BBX: variants seen among roughly 807,000 people sequenced by gnomAD.
BBX encodes the protein BBX high mobility group box domain containing.
A neutral mutation model predicts 100.2 loss-of-function variants in BBX; 30 were observed. The observed-to-expected ratio is 0.30, with a 90% CI of 0.22 to 0.41. The LOEUF (loss-of-function observed/expected upper bound fraction) is 0.41, where lower values mean the gene tolerates loss of function less well. BBX is among the 10% of genes least tolerant of loss of function. The pLI is 1.00. For missense variants in BBX, 1,023 were observed against 1,129.8 expected, an observed-to-expected ratio of 0.91 and a Z score of 1.35; for synonymous variants, 376 against 388.1, an observed-to-expected ratio of 0.97 and a Z score of 0.37.
chr3:107,586,220 A>G (rs1331931223), intron 2 of BBX, among the ~76,000 whole-genome samples: 2 of 152,200 alleles, frequency 1.3e-5, no homozygotes, highest in Non-Finnish European at 2.9e-5. Flanking sequence ...ACTAACTTGT[A>G]TACCAGAGAA....
intron 10 of BBX, among the ~76,000 whole-genome samples, chr3:107,766,815 A>G (rs2066432044): frequency 6.6e-6 from 1 of 152,222 alleles, no homozygotes; most frequent in South Asian, 2.1e-4. Context: ...CCAATTGTCC[A>G]TCAAAGATAG....
At chr3:107,781,031 C>T (rs1267405738) in intron 13 of BBX, among the ~76,000 whole-genome samples, 1 of 151,718 alleles carries the variant, frequency 6.6e-6, no homozygotes, top group Non-Finnish European at 1.5e-5. Context: ...TTATATTTTC[C>T]TTCATGACTT....
At chr3:107,525,190 G>A (rs1330489296) in intron 1 of BBX, among the ~76,000 whole-genome samples, 6 of 149,700 alleles carry the variant, frequency 4.0e-5, no homozygotes, top group African/African-American at 1.5e-4. Context: ...CCCGGGTCCG[G>A]CCCCACGCGC....
intron 2 of BBX, among the ~76,000 whole-genome samples, chr3:107,557,777 G>A (rs909714769): frequency 1.3e-5 from 2 of 152,202 alleles, no homozygotes; most frequent in African/African-American, 2.4e-5. Context: ...ATGTAGTACA[G>A]TGCATACCTT....
rs566974627 is a variant in BBX, at chr3:107,614,242, G to A, written c.-83-31594G>A. On this transcript the variant is annotated intron_variant, in intron 2 of 17. Transcript: ENST00000325805. ...TGGGATTATAGGCGTGAGCCACCGT[G>A]CCCTGCCCATGTGTTAATTTTTAAA... Among the ~76,000 whole-genome samples, 33 of 152,106 alleles carry A rather than the reference G, an allele frequency of 2.2e-4. No homozygotes were observed. In the South Asian group the frequency reaches 6.2e-3, roughly 29 times the overall value.
At chr3:107,693,514 T>C (rs1239926851) in intron 3 of BBX, among the ~76,000 whole-genome samples, 2 of 151,344 alleles carry the variant, frequency 1.3e-5, no homozygotes, top group Admixed American at 6.6e-5. Flanking sequence ...GTTGTAGATA[T>C]GCGGCGTTAT....
At chr3:107,798,148 C>T (rs186381883) in intron 15 of BBX, among the ~76,000 whole-genome samples, 3 of 152,310 alleles carry the variant, frequency 2.0e-5, no homozygotes, top group Admixed American at 2.0e-4. Context: ...ACCATCCTCT[C>T]TAGGCCAACT....
intron 2 of BBX, among the ~76,000 whole-genome samples, chr3:107,532,430 G>T (rs951514017): frequency 1.3e-5 from 2 of 152,150 alleles, no homozygotes; most frequent in African/African-American, 2.4e-5. Flanking sequence ...GTAAATTATG[G>T]TACTTTAATT....
intron 10 of BBX, among the ~76,000 whole-genome samples, chr3:107,762,216 G>A (rs558965635): frequency 6.6e-6 from 1 of 152,298 alleles, no homozygotes; most frequent in South Asian, 2.1e-4. Flanking sequence ...GACTTTAGTA[G>A]ATGGGCTTAT....
At chr3:107,706,375 A>C (rs938506972) in intron 3 of BBX, among the ~76,000 whole-genome samples, 1 of 152,076 alleles carries the variant, frequency 6.6e-6, no homozygotes, top group Non-Finnish European at 1.5e-5. Context: ...CTAATCTGTC[A>C]ATTTACATTG....
chr3:107,555,613 C>A (rs2050038211), intron 2 of BBX, among the ~76,000 whole-genome samples: 1 of 152,166 alleles, frequency 6.6e-6, no homozygotes, highest in Admixed American at 6.5e-5. Context: ...AATTATGTAT[C>A]CCTCGGTTAG....
intron 13 of BBX, among the ~76,000 whole-genome samples, chr3:107,788,088 A>T (rs893260892): frequency 1.3e-5 from 2 of 152,142 alleles, no homozygotes; most frequent in South Asian, 4.1e-4. Context: ...TGCATTTTTG[A>T]GTCTTCAACC....
chr3:107,551,256 C>A (rs573199093), intron 2 of BBX, among the ~76,000 whole-genome samples: 1 of 152,264 alleles, frequency 6.6e-6, no homozygotes, highest in South Asian at 2.1e-4. Flanking sequence ...GAAGTAGCCA[C>A]GTGTTAGTTA....
intron 4 of BBX, among the ~76,000 whole-genome samples, chr3:107,714,132 C>T (rs2061936580): frequency 1.3e-5 from 2 of 151,726 alleles, no homozygotes; most frequent in Non-Finnish European, 2.9e-5. Context: ...TCCACCACCA[C>T]TCCTGGCTAA....
intron 17 of BBX, among the ~76,000 whole-genome samples, chr3:107,804,845 GT>G (rs1349391578): frequency 1.3e-5 from 2 of 148,196 alleles, no homozygotes; most frequent in Non-Finnish European, 3.0e-5. Context: ...GTCCATCTCT[GT>G]TTCTCTTCCA....
chr3:107,655,449 G>A (rs1207533509), intron 3 of BBX, among the ~76,000 whole-genome samples: 1 of 151,154 alleles, frequency 6.6e-6, no homozygotes, highest in Non-Finnish European at 1.5e-5. Flanking sequence ...ACAAAACAAG[G>A]AGATATCGTA....
intron 2 of BBX, among the ~76,000 whole-genome samples, chr3:107,614,110 A>G (rs1231345604): frequency 6.6e-6 from 1 of 151,254 alleles, no homozygotes; most frequent in Non-Finnish European, 1.5e-5. Flanking sequence ...CACCACCACG[A>G]CCAGCTAATT....
chr3:107,748,518 A>G (rs935986718), intron 9 of BBX, among the ~76,000 whole-genome samples: 3 of 152,152 alleles, frequency 2.0e-5, no homozygotes, highest in Non-Finnish European at 4.4e-5. Context: ...TTAGTATTTA[A>G]TCCCAGGCTC....
rs1199894063 is a variant in BBX at position 107,773,239 on chromosome 3, C to G, written c.1518C>G (p.Thr506=). Residue 506 remains threonine (T), a synonymous_variant, in exon 11 of 18, where the codon ACC becomes ACG. Coordinates refer to ENST00000325805, the MANE Select transcript of BBX (RefSeq NM_001142568.3). This position sits in a 1 kb window ranked among gnomAD's most constrained non-coding sequence, Gnocchi z 4.1. ...GGGGCATAGAGAAACTTGGAGATACCCCTCGCAAGAAGGTCCGCACATCCT... is the reference window on the plus strand; with the variant it reads ...GGGGCATAGAGAAACTTGGAGATACGCCTCGCAAGAAGGTCCGCACATCCT... ...GDWGIEKLGD[T]PRKKVRTSSS... is the part of the protein sequence containing the mutation. 1 of 1,613,746 alleles carries G rather than the reference C, an allele frequency of 6.2e-7. No homozygotes were observed. The highest frequency in any genetic ancestry group is 8.5e-7 in the Non-Finnish European group (1 of 1,179,972).
Sources: gnomAD v4.1 joint callset for allele counts (sites outside exome capture counted in the v4.1 genomes callset) on GRCh38, gnomAD v4.1.1 for gene constraint, Gnocchi (gnomAD v3.1) non-coding constraint, MANE v1.5 for transcripts, NCBI Gene and HGNC (gene_info 2026-07-23, HGNC 2026-07-21) for gene names.